The following SDK2 variants were observed in gnomAD, a reference collection of about 807,000 sequenced individuals.
SDK2 encodes protein sidekick-2.
In SDK2, 105 loss-of-function variants were observed where a neutral mutation model predicts 253.9. The observed-to-expected ratio is 0.41, with a 90% confidence interval of 0.35 to 0.49. The LOEUF is 0.49. Among genes scored for constraint, SDK2 ranks in the 20% least tolerant of loss-of-function variants. SDK2 has a pLI of 0.06. For synonymous variants in SDK2, 1,249 were observed against 1,234.9 expected, an observed-to-expected ratio of 1.01 and a Z score of -0.24; for missense variants, 2,608 against 3,003.0, an observed-to-expected ratio of 0.87 and a Z score of 3.07.
rs1568385696 is a variant in SDK2, at chr17:73,405,496, ATATATATATATAT to A, written c.2485-3368_2485-3356del. Reference sequence around the variant, plus strand: ...TATATATATATATATATATATATATATATATATATATATATATATATAAAGATCGAGAATGTGG... The same window carrying A: ...TATATATATATATATATATATATATAATATATATAAAGATCGAGAATGTGG... On this transcript the variant is annotated intron_variant, in intron 18 of 44. Coordinates refer to ENST00000392650, the MANE Select transcript of SDK2 (RefSeq NM_001144952.2). Among the ~76,000 whole-genome samples, 659 of 100,854 alleles carry A rather than the reference ATATATATATATAT, an allele frequency of 6.5e-3. 62 individuals are homozygous for A. The highest frequency in any genetic ancestry group is 8.8e-3 in the East Asian group (25 of 2,856). 66.2% of individuals were successfully genotyped at this position (100,854 alleles called of 152,430 possible).
chr17:73,583,093 A>G (rs886285623), intron 1 of SDK2, among the ~76,000 whole-genome samples: 7 of 152,176 alleles, frequency 4.6e-5, no homozygotes, highest in Non-Finnish European at 1.0e-4. Context: ...CTCCTTTGGG[A>G]AGCCCTACTG....
At position 73,379,077 on chromosome 17, in the gene SDK2, G is replaced by T. The variant is rs1206580611; in HGVS notation, c.4980+100C>A. 9.6e-6 allele frequency: 8 copies of T among 829,146 alleles called. No individual in the cohort carries two copies. The East Asian group carries it at 2.2e-4, about 22-fold the overall frequency. 51.4% of individuals were successfully genotyped at this position (829,146 alleles called of 1,614,324 possible). On this transcript the variant is annotated intron_variant, in intron 36 of 44. Coordinates refer to ENST00000392650, the MANE Select transcript of SDK2 (RefSeq NM_001144952.2). The surrounding 1 kb of genome is among the most constrained non-coding windows in gnomAD (Gnocchi z 4.5). The stretch of plus-strand genomic sequence containing the variant: ...CGAGGAGCTGGCTGGATGAATGGAG[G>T]GCCTGGGGACCTGCCTGCCTCCCAC...
At chr17:73,586,347 C>T (rs952333147) in intron 1 of SDK2, among the ~76,000 whole-genome samples, 4 of 152,082 alleles carry the variant, frequency 2.6e-5, no homozygotes, top group Admixed American at 6.6e-5. Flanking sequence ...ATCAATTCAT[C>T]CATGTCGCTC....
At chr17:73,393,906 AAT>A (rs2062949368) in intron 26 of SDK2, among the ~76,000 whole-genome samples, 157 bp from the exon 27 acceptor site, 2 of 152,198 alleles carry the variant, frequency 1.3e-5, no homozygotes, top group South Asian at 4.1e-4. Context: ...CTTTAAAAGG[AAT>A]TCTAAAAGAT....
intron 12 of SDK2, among the ~76,000 whole-genome samples, chr17:73,425,397 C>T (rs957147532): frequency 2.6e-5 from 4 of 152,244 alleles, no homozygotes; most frequent in Admixed American, 6.5e-5. Flanking sequence ...CCTTCTTCCC[C>T]GCCCGGATAG....
Position 73,335,617 on chromosome 17 carries a change from G to A in SDK2, c.*2970C>T, listed in dbSNP as rs1235496303. On this transcript the variant is annotated 3_prime_UTR_variant, in exon 45 of 45. Transcript: ENST00000392650. Reference sequence around the variant, plus strand: ...GCTTCCAGCTGTGGCTGGGGCTGTGGAGACAATATTCCAGATGAGTGGGTA... The same window carrying A: ...GCTTCCAGCTGTGGCTGGGGCTGTGAAGACAATATTCCAGATGAGTGGGTA... 6.6e-6 allele frequency: 1 copy of A among 152,244 alleles called. No homozygotes were observed. Among genetic ancestry groups the A allele is most frequent in the African/African-American group, 2.4e-5 (1 of 41,444 alleles). The allele number at this position is 152,244 out of a possible 1,614,324, so 9.4% of individuals were successfully genotyped here. A position where few individuals can be genotyped will look rare whatever the true frequency, so the allele number is the denominator to read the frequency against.
At chr17:73,549,979 G>A (rs919055561) in intron 1 of SDK2, among the ~76,000 whole-genome samples, 4 of 152,122 alleles carry the variant, frequency 2.6e-5, no homozygotes, top group African/African-American at 4.8e-5. Context: ...ACCGCCGGGG[G>A]TGCATAGAGG....
intron 2 of SDK2, among the ~76,000 whole-genome samples, chr17:73,483,680 TATTTATATATATATATA>T (rs2063749242): frequency 3.2e-5 from 2 of 63,438 alleles, no homozygotes; most frequent in Non-Finnish European, 5.9e-5. Flanking sequence ...TATATATATA[TATTTATATATATATATA>T]TATATATATA....
chr17:73,371,001 T>A (rs531555313), intron 36 of SDK2, among the ~76,000 whole-genome samples: 1 of 151,858 alleles, frequency 6.6e-6, no homozygotes, highest in East Asian at 1.9e-4. Flanking sequence ...GAGGTGAAGG[T>A]TGCAGTGAGC....
chr17:73,584,239 C>T (rs1419931553), intron 1 of SDK2, among the ~76,000 whole-genome samples: 2 of 152,202 alleles, frequency 1.3e-5, no homozygotes, highest in Non-Finnish European at 2.9e-5. Context: ...TCTCCCAGTG[C>T]TAGGATGAAG....
intron 1 of SDK2, among the ~76,000 whole-genome samples, chr17:73,594,446 A>C (rs1472176027): frequency 6.6e-6 from 1 of 152,126 alleles, no homozygotes; most frequent in African/African-American, 2.4e-5. Context: ...GCTCCCCTGG[A>C]AAGTGTTGGT....
intron 1 of SDK2, among the ~76,000 whole-genome samples, chr17:73,523,530 A>T (rs2064100727): frequency 6.6e-6 from 1 of 151,924 alleles, no homozygotes; most frequent in South Asian, 2.1e-4. Flanking sequence ...ACGTGAAGAC[A>T]GGTGAAGATG....
At position 73,379,142 on chromosome 17, in the gene SDK2, C is replaced by T. The variant is rs749234329; in HGVS notation, c.4980+35G>A. On this transcript the variant is annotated intron_variant, in intron 36 of 44. Transcript: ENST00000392650. This position sits in a 1 kb window ranked among gnomAD's most constrained non-coding sequence, Gnocchi z 4.5. ...CCAGCCTCCGACCTGGCTTCTCATCCGTGCACCCCTTTGCTCTGCCCGAGG... is the reference window on the plus strand; with the variant it reads ...CCAGCCTCCGACCTGGCTTCTCATCTGTGCACCCCTTTGCTCTGCCCGAGG... 3.0e-5 allele frequency: 44 copies of T among 1,484,622 alleles called. No homozygotes were observed. Among genetic ancestry groups the T allele is most frequent in the East Asian group, 1.5e-4 (6 of 40,298 alleles). The allele number at this position is 1,484,622 out of a possible 1,614,324, so 92.0% of individuals were successfully genotyped here.
intron 44 of SDK2, among the ~76,000 whole-genome samples, chr17:73,343,460 T>C (rs1442391142): frequency 4.6e-5 from 7 of 152,218 alleles, no homozygotes; most frequent in South Asian, 2.1e-4. Context: ...CAGGGGCTCC[T>C]ATTGCAGCTT....
chr17:73,461,650 G>C (rs1599588418), intron 3 of SDK2, among the ~76,000 whole-genome samples: 1 of 152,178 alleles, frequency 6.6e-6, no homozygotes, highest in East Asian at 1.9e-4. Context: ...TGGGGGGATG[G>C]AAGGTTGTAT....
intron 1 of SDK2, among the ~76,000 whole-genome samples, chr17:73,565,969 G>A (rs926205199): frequency 3.3e-5 from 5 of 152,092 alleles, no homozygotes; most frequent in Admixed American, 6.5e-5. Flanking sequence ...GACTACGGGC[G>A]CATGCCACCA....
rs1439241671 is a variant in SDK2 at position 73,570,539 on chromosome 17, G to A, written c.65-62942C>T. On this transcript the variant is annotated intron_variant, in intron 1 of 44. Transcript: ENST00000392650. The surrounding 1 kb of genome is among the most constrained non-coding windows in gnomAD (Gnocchi z 4.2). ...TTGTGATGATGGCGGTGATGGTGAT[G>A]GTGAGGCTGATGGTGGTGATGTTGC... is the stretch of plus-strand genomic sequence containing the variant. 6.6e-6 allele frequency among the ~76,000 whole-genome samples: 1 copy of A among 152,106 alleles called. No homozygotes were observed. The highest frequency in any genetic ancestry group is 1.5e-5 in the Non-Finnish European group (1 of 68,024).
At chr17:73,433,311 C>G (rs2063342143) in intron 10 of SDK2, among the ~76,000 whole-genome samples, 1 of 151,420 alleles carries the variant, frequency 6.6e-6, no homozygotes, top group Non-Finnish European at 1.5e-5. Context: ...GAGACGGAGT[C>G]TCGCTCTGTC....
intron 12 of SDK2, among the ~76,000 whole-genome samples, chr17:73,425,223 AACAC>A (rs957199566): frequency 2.6e-5 from 4 of 152,272 alleles, no homozygotes; most frequent in Admixed American, 2.6e-4. Flanking sequence ...CCATCTCAAA[AACAC>A]ACAAAAAGCC....
Sources: gnomAD v4.1 joint callset for allele counts (sites outside exome capture counted in the v4.1 genomes callset) on GRCh38, gnomAD v4.1.1 for gene constraint, Gnocchi (gnomAD v3.1) non-coding constraint, MANE v1.5 for transcripts, NCBI Gene and HGNC (gene_info 2026-07-23, HGNC 2026-07-21) for gene names.